Variants in FGF13 observed in about 807,000 individuals in gnomAD.
FGF13 encodes fibroblast growth factor homologous factor 2.
In FGF13, 2 loss-of-function variants were observed where a neutral mutation model predicts 19.5. That is an observed-to-expected ratio of 0.10 (90% CI 0.04 to 0.32). The LOEUF is 0.32. Ranked by LOEUF, FGF13 falls within the 10% of genes least tolerant of loss-of-function variation. The pLI, the probability that FGF13 is intolerant of heterozygous loss-of-function variation, is 1.00. For synonymous variants in FGF13, 72 were observed against 76.9 expected (o/e 0.94, Z 0.33); for missense variants, 113 against 192.7 (o/e 0.59, Z 2.45).
At chrX:139,127,486 G>A (rs2083725513) in intron 1 of FGF13, among the ~76,000 whole-genome samples, 1 of 111,905 alleles carries the variant, frequency 8.9e-6, no homozygotes, top group Admixed American at 9.4e-5. Context: ...CTCTGGTGTT[G>A]TACAAATGGA....
At chrX:138,910,710 A>T (rs1353110039) in intron 1 of FGF13, among the ~76,000 whole-genome samples, 1 of 112,296 alleles carries the variant, frequency 8.9e-6, no homozygotes, top group Non-Finnish European at 1.9e-5. Context: ...CATGGTCTCT[A>T]CACACAGGAC....
intron 1 of FGF13, among the ~76,000 whole-genome samples, chrX:139,042,099 G>A (rs1344910455): frequency 2.7e-5 from 3 of 112,444 alleles, no homozygotes; most frequent in African/African-American, 9.7e-5. Context: ...AGAAGAATGG[G>A]TATGTCTAAA....
At chrX:139,031,598 G>A (rs2092226707) in intron 1 of FGF13, among the ~76,000 whole-genome samples, 1 of 110,241 alleles carries the variant, frequency 9.1e-6, no homozygotes, top group Admixed American at 9.7e-5. Flanking sequence ...TGTAGAAATT[G>A]GAAACAATAG....
chrX:138,730,678 G>A (rs1170955709), intron 1 of FGF13, among the ~76,000 whole-genome samples: 1 of 111,154 alleles, frequency 9.0e-6, no homozygotes, highest in African/African-American at 3.3e-5. Context: ...ACACAGAGAA[G>A]ATGGGACAAA....
At chrX:138,858,439 C>T (rs936748438) in intron 2 of FGF13, among the ~76,000 whole-genome samples, 3 of 111,764 alleles carry the variant, frequency 2.7e-5, no homozygotes, top group Admixed American at 9.5e-5. Context: ...TATTTTTATT[C>T]CCTGCAAAAG....
At chrX:138,722,853 C>A (rs2090157034) in intron 1 of FGF13, among the ~76,000 whole-genome samples, 2 of 111,388 alleles carry the variant, frequency 1.8e-5, no homozygotes. Context: ...TTATGGCCAA[C>A]TAACAGGAAT....
downstream of FGF13, among the ~76,000 whole-genome samples, chrX:138,855,738 A>G (rs2091253326): frequency 8.9e-6 from 1 of 112,108 alleles, no homozygotes; most frequent in Admixed American, 9.6e-5. Context: ...CAGTATTTAC[A>G]ATACACTCCA....
At chrX:138,853,475 T>C (rs2124132472), downstream of FGF13, among the ~76,000 whole-genome samples, 1 of 111,091 alleles carries the variant, frequency 9.0e-6, no homozygotes, top group Admixed American at 9.6e-5. Flanking sequence ...TGCTTTCTCT[T>C]GGTTGGTGGA....
intron 1 of FGF13, among the ~76,000 whole-genome samples, chrX:139,028,917 T>A (rs1181100542): frequency 9.1e-6 from 1 of 110,051 alleles, no homozygotes; most frequent in South Asian, 3.9e-4. Flanking sequence ...TGAGATAAAA[T>A]TTTTTAAAGC....
chrX:138,626,005 C>T lies in FGF13; in HGVS notation c.*6845G>A, dbSNP rs1406890932. On this transcript the variant is annotated 3_prime_UTR_variant, in exon 5 of 5. Coordinates refer to ENST00000315930, the MANE Select transcript of FGF13 (RefSeq NM_004114.5). ...AATTAGTAGGGCAATCTTCTATAGC[C>T]TAATAGGCAAGGTTGTGAATCATAC... The T allele has an allele frequency of 1.8e-5, 2 of 111,403 alleles. No homozygotes were observed. The allele number at this position is 111,403 out of a possible 1,213,427, so 9.2% of individuals were successfully genotyped here.
intron 1 of FGF13, among the ~76,000 whole-genome samples, chrX:139,051,126 T>C (rs1461398813): frequency 8.9e-6 from 1 of 112,212 alleles, no homozygotes; most frequent in African/African-American, 3.2e-5. Context: ...AAGCCAAATT[T>C]GATCTTTCTC....
At chrX:139,008,591 A>G (rs1385104609) in intron 1 of FGF13, among the ~76,000 whole-genome samples, 1 of 112,005 alleles carries the variant, frequency 8.9e-6, no homozygotes, top group African/African-American at 3.3e-5. Flanking sequence ...CTAGACCCAG[A>G]AAGGCAAAAA....
chrX:139,203,863 G>T (rs2148285845), upstream of FGF13, among the ~76,000 whole-genome samples: 2 of 111,860 alleles, frequency 1.8e-5, no homozygotes, highest in South Asian at 7.6e-4. Flanking sequence ...AATTCCGCGA[G>T]GAAGGAGGGA....
Position 138,787,495 on chromosome X carries a change from A to G in FGF13, c.217+70017T>C, listed in dbSNP as rs185165643. ...AGCCAACTTCCCTTTGTCTCTTCAC[A>G]TGGCAGAAAGACAGCCAGTTAGTTC... On this transcript the variant is annotated intron_variant, in intron 3 of 6. Coordinates refer to the FGF13 transcript ENST00000436198. 3.6e-5 allele frequency among the ~76,000 whole-genome samples: 4 copies of G among 112,319 alleles called. No individual in the cohort carries two copies. The East Asian group carries it at 1.1e-3, about 32-fold the overall frequency.
chrX:138,708,741 GTATT>G, intron 2 of FGF13, 73 bp downstream of exon 2: 1 of 640,310 alleles, frequency 1.6e-6, no homozygotes, highest in East Asian at 3.3e-5. Context: ...TTAGGAAAGC[GTATT>G]TATTTTTAAA....
intron 1 of FGF13, among the ~76,000 whole-genome samples, chrX:138,882,714 T>C (rs1295137903): frequency 8.9e-6 from 1 of 111,857 alleles, no homozygotes; most frequent in Non-Finnish European, 1.9e-5. Flanking sequence ...TTTAGTGCAG[T>C]AGACCAGTGA....
At chrX:138,899,516 C>G (rs2091521298) in intron 1 of FGF13, among the ~76,000 whole-genome samples, 1 of 110,970 alleles carries the variant, frequency 9.0e-6, no homozygotes, top group African/African-American at 3.3e-5. Context: ...AGAATGCTTG[C>G]CAAAGTTGAC....
chrX:139,120,110 C>T (rs574208059), intron 1 of FGF13, among the ~76,000 whole-genome samples: 1 of 112,516 alleles, frequency 8.9e-6, no homozygotes, highest in East Asian at 2.8e-4. Context: ...TCTCCTGCTG[C>T]CATGTAAGAC....
chrX:139,083,323 G>A (rs1386329879), intron 1 of FGF13, among the ~76,000 whole-genome samples: 1 of 111,696 alleles, frequency 9.0e-6, no homozygotes, highest in Admixed American at 9.5e-5. Flanking sequence ...TCGTGCCCCA[G>A]TGCTCAGAAA....
Sources: gnomAD v4.1 joint callset for allele counts (sites outside exome capture counted in the v4.1 genomes callset) on GRCh38, gnomAD v4.1.1 for gene constraint, MANE v1.5 for transcripts, NCBI Gene and HGNC (gene_info 2026-07-23, HGNC 2026-07-21) for gene names.